CRYM: variants seen among roughly 807,000 people sequenced by gnomAD.
CRYM encodes crystallin mu.
Under a neutral mutation model 32.9 loss-of-function variants are expected in CRYM, and 18 were observed. The ratio of observed to expected loss-of-function variants is 0.55; its 90% CI spans 0.38 to 0.81. The LOEUF is 0.81. Among genes scored for constraint, CRYM ranks in the 30% least tolerant of loss-of-function variants. The pLI is 0.00. For synonymous variants in CRYM, 153 were observed against 152.4 expected, an observed-to-expected ratio of 1.00 and a Z score of -0.03; for missense variants, 337 against 393.5, an observed-to-expected ratio of 0.86 and a Z score of 1.21.
intron 1 of CRYM, among the ~76,000 whole-genome samples, chr16:21,284,733 C>T (rs2093404720): frequency 6.6e-6 from 1 of 152,166 alleles, no homozygotes; most frequent in Non-Finnish European, 1.5e-5. Flanking sequence ...AATGATGCTG[C>T]AATGAACATA....
In CRYM at chr16:21,278,076, A is replaced by C. The variant is rs1597621906; in HGVS notation, c.170+6T>G. 2.0e-6 allele frequency: 3 copies of C among 1,536,312 alleles called. No individual in the cohort carries two copies. The highest frequency in any genetic ancestry group is 1.4e-5 in the African/African-American group (1 of 70,828). On this transcript the variant is annotated splice_donor_region_variant and intron_variant, in intron 1 of 7. Transcript: ENST00000572914. ...CCTGCCCCTGACCCCGACCCTCCTC[A>C]CTCACCCCCTGTGCTTGGTCACCGG...
At chr16:21,282,063 G>A (rs1409447022), upstream of CRYM, among the ~76,000 whole-genome samples, 1 of 152,136 alleles carries the variant, frequency 6.6e-6, no homozygotes, top group Non-Finnish European at 1.5e-5. Flanking sequence ...GGACCCAGTG[G>A]GAGATGACTG....
At chr16:21,267,814 G>C in intron 4 of CRYM, 77 bp from the exon 5 acceptor site, 1 of 1,472,138 alleles carries the variant, frequency 6.8e-7, no homozygotes, top group Non-Finnish European at 9.5e-7. Context: ...GGGATGCGGA[G>C]GGAAAGTTGA....
At chr16:21,271,050 A>G (rs2093374433) in intron 3 of CRYM, among the ~76,000 whole-genome samples, 1 of 152,210 alleles carries the variant, frequency 6.6e-6, no homozygotes, top group African/African-American at 2.4e-5. Flanking sequence ...CATACCTACT[A>G]TGACCTACAA....
At chr16:21,298,086 T>C (rs1960825153) in intron 1 of CRYM, among the ~76,000 whole-genome samples, 1 of 152,258 alleles carries the variant, frequency 6.6e-6, no homozygotes, top group African/African-American at 2.4e-5. Flanking sequence ...GTCTCTCCCA[T>C]GATGCTGAGT....
intron 4 of CRYM, chr16:21,268,510 G>A (rs2093368574): frequency 1.3e-5 from 2 of 152,152 alleles, no homozygotes; most frequent in Admixed American, 1.3e-4. Context: ...TGAAAATAAG[G>A]CCTACAGAAT....
At position 21,273,525 on chromosome 16, in the gene CRYM, T is replaced by C. The variant is rs150320756; in HGVS notation, c.387+2007A>G. Among the ~76,000 whole-genome samples the C allele has an allele frequency of 9.2e-5, 14 of 152,318 alleles. No individual in the cohort carries two copies. In the East Asian group the frequency reaches 2.7e-3, roughly 29 times the overall value. Reference sequence around the variant, plus strand: ...ACAAAAGTGTGGTTTCCAGACCTGGTTGATCCTCACTCTGTGATTTTGATT... The same window carrying C: ...ACAAAAGTGTGGTTTCCAGACCTGGCTGATCCTCACTCTGTGATTTTGATT... On this transcript the variant is annotated intron_variant, in intron 3 of 7. Transcript: ENST00000572914.
At chr16:21,269,765 CT>C in intron 4 of CRYM, 24 bp downstream of exon 4, 1 of 760,802 alleles carries the variant, frequency 1.3e-6, no homozygotes, top group Admixed American at 1.9e-5. Flanking sequence ...TCCCTCTTCT[CT>C]CCCACCCCCA....
chr16:21,281,035 G>A (rs993504388), upstream of CRYM, among the ~76,000 whole-genome samples: 5 of 151,468 alleles, frequency 3.3e-5, no homozygotes, highest in African/African-American at 1.2e-4. Flanking sequence ...AACCAGGGAG[G>A]TGGAGGTTGC....
At chr16:21,293,763 T>C (rs1286573603) in intron 1 of CRYM, among the ~76,000 whole-genome samples, 1 of 152,238 alleles carries the variant, frequency 6.6e-6, no homozygotes, top group Non-Finnish European at 1.5e-5. Context: ...CACTTCACTG[T>C]ATTAATAGAA....
rs1438756051 is a variant in CRYM at position 21,258,849 on chromosome 16, G to C, written c.881-4C>G. 6.2e-7 allele frequency: 1 copy of C among 1,613,914 alleles called. No homozygotes were observed. Among genetic ancestry groups the C allele is most frequent in the Admixed American group, 1.7e-5 (1 of 60,030 alleles). ...ACTGTGTCTTCCACTGCCATTCCTAGAATAGACAGAAATTTGGTTCGCCTT... is the reference window on the plus strand; with the variant it reads ...ACTGTGTCTTCCACTGCCATTCCTACAATAGACAGAAATTTGGTTCGCCTT... On this transcript the variant is annotated splice_region_variant and splice_polypyrimidine_tract_variant and intron_variant, in intron 7 of 7. Coordinates refer to ENST00000572914, the MANE Select transcript of CRYM (RefSeq NM_001376256.1).
chr16:21,289,805 C>T lies in CRYM; in HGVS notation c.-192-10845G>A, dbSNP rs1960573895. Among the ~76,000 whole-genome samples the T allele has an allele frequency of 3.3e-5, 5 of 151,440 alleles. No homozygotes were observed. In the South Asian group the frequency reaches 1.1e-3, roughly 32 times the overall value. On this transcript the variant is annotated intron_variant, in intron 1 of 9. Coordinates refer to the CRYM transcript ENST00000219599. ...GCCCATTTTACAGAGCGCTGATTGGCCCATTTACAGAGTGCCGATTGGTCC... is the reference window on the plus strand; with the variant it reads ...GCCCATTTTACAGAGCGCTGATTGGTCCATTTACAGAGTGCCGATTGGTCC...
At chr16:21,270,392 T>C (rs2093372801) in intron 3 of CRYM, among the ~76,000 whole-genome samples, 1 of 152,124 alleles carries the variant, frequency 6.6e-6, no homozygotes, top group African/African-American at 2.4e-5. Context: ...CCAGTGATTA[T>C]CCTACCTCAG....
At chr16:21,301,661 C>T (rs920585053) in intron 1 of CRYM, among the ~76,000 whole-genome samples, 1 of 152,224 alleles carries the variant, frequency 6.6e-6, no homozygotes. Flanking sequence ...CCGCCGACAG[C>T]TTCACCCGCA....
intron 1 of CRYM, among the ~76,000 whole-genome samples, chr16:21,286,604 A>T (rs1237680707): frequency 1.3e-5 from 2 of 152,166 alleles, no homozygotes. Flanking sequence ...TACCGATAAC[A>T]TATACCAAGA....
At chr16:21,259,534 C>T (rs934736937) in intron 7 of CRYM, among the ~76,000 whole-genome samples, 4 of 152,170 alleles carry the variant, frequency 2.6e-5, no homozygotes, top group Admixed American at 6.5e-5. Context: ...AACAAAAGAG[C>T]CTGGCTGTGG....
Position 21,277,424 on chromosome 16 carries a change from T to C in CRYM, c.324+7A>G. On this transcript the variant is annotated splice_region_variant and intron_variant, in intron 2 of 7. Coordinates refer to ENST00000572914, the MANE Select transcript of CRYM (RefSeq NM_001376256.1). The surrounding 1 kb of genome is among the most constrained non-coding windows in gnomAD (Gnocchi z 4.2). The stretch of plus-strand genomic sequence containing the variant: ...CCCATTCCACCCCGGGACAGGAAGT[T>C]GCTCACCGCCAGCAGGGTGCCATTG... 6.2e-7 allele frequency: 1 copy of C among 1,612,600 alleles called. No homozygotes were observed. Among genetic ancestry groups the C allele is most frequent in the Non-Finnish European group, 8.5e-7 (1 of 1,179,850 alleles).
chr16:21,279,451 G>A (rs1278347355), upstream of CRYM, among the ~76,000 whole-genome samples: 1 of 152,174 alleles, frequency 6.6e-6, no homozygotes, highest in East Asian at 1.9e-4. Context: ...GCCCTGAGGT[G>A]GAAGGCATGT....
upstream of CRYM, among the ~76,000 whole-genome samples, chr16:21,283,221 T>C (rs2093401265): frequency 6.6e-6 from 1 of 152,140 alleles, no homozygotes; most frequent in Non-Finnish European, 1.5e-5. Context: ...AGCTGTACCA[T>C]AGTGAGGTAC....
Sources: gnomAD v4.1 joint callset for allele counts (sites outside exome capture counted in the v4.1 genomes callset) on GRCh38, gnomAD v4.1.1 for gene constraint, Gnocchi (gnomAD v3.1) non-coding constraint, MANE v1.5 for transcripts, NCBI Gene and HGNC (gene_info 2026-07-23, HGNC 2026-07-21) for gene names.